RALGAPA1: variants seen among roughly 807,000 people sequenced by gnomAD.
RALGAPA1 encodes the protein ral GTPase-activating protein subunit alpha-1.
A neutral mutation model predicts 269.6 loss-of-function variants in RALGAPA1; 52 were observed. The observed-to-expected ratio is 0.19, with a 90% CI of 0.15 to 0.24. The LOEUF (loss-of-function observed/expected upper bound fraction) is 0.24. RALGAPA1 is among the 10% of genes least tolerant of loss of function. RALGAPA1 has a pLI of 1.00. For missense variants in RALGAPA1, 1,917 were observed against 3,013.9 expected, an observed-to-expected ratio of 0.64 and a Z score of 8.52; for synonymous variants, 817 against 1,008.3, an observed-to-expected ratio of 0.81 and a Z score of 3.60.
intron 39 of RALGAPA1, among the ~76,000 whole-genome samples, chr14:35,554,338 C>CT (rs869302363): frequency 0.014 from 1,198 of 85,776 alleles, 118 homozygotes; most frequent in African/African-American, 0.024. Flanking sequence ...AATACACTTT[C>CT]TTTTTTTTTT....
rs1196585530 is a variant in RALGAPA1 at position 35,750,620 on chromosome 14, G to C, written c.873C>G (p.Ile291Met). 2 of 1,613,414 alleles carry C rather than the reference G, an allele frequency of 1.2e-6. No homozygotes were observed. Among genetic ancestry groups the C allele is most frequent in the East Asian group, 2.2e-5 (1 of 44,838 alleles). ...IKKDAETNEA[I>M]YCTKEPFIKA... ...TAATGAAAGGCTCCTTTGTACAATA[G>C]ATTGCTTCATTGGTTTCAGCATCTT... is the stretch of plus-strand genomic sequence containing the variant. The change falls in exon 9 of 42, where the codon ATC becomes ATG. Residue 291 changes from isoleucine to methionine, a missense_variant. Coordinates refer to ENST00000680220, the MANE Select transcript of RALGAPA1 (RefSeq NM_001346249.2).
At chr14:35,727,922 G>A (rs2070117983) in intron 13 of RALGAPA1, among the ~76,000 whole-genome samples, 4 of 152,210 alleles carry the variant, frequency 2.6e-5, no homozygotes, top group Admixed American at 2.6e-4. Flanking sequence ...ATCTTATCCT[G>A]AAAGCTGGAG....
chr14:35,615,619 T>TTA (rs1486705923), intron 35 of RALGAPA1, among the ~76,000 whole-genome samples: 1 of 152,180 alleles, frequency 6.6e-6, no homozygotes, highest in Non-Finnish European at 1.5e-5. Context: ...CATGCATTCA[T>TTA]TTAATGTAGT....
chr14:35,782,723 C>G (rs1379444987), intron 1 of RALGAPA1, among the ~76,000 whole-genome samples: 1 of 152,098 alleles, frequency 6.6e-6, no homozygotes, highest in African/African-American at 2.4e-5. Context: ...CACACCCAGC[C>G]TCAATGTACT....
chr14:35,758,243 CAAAAAAAAAAA>C lies in RALGAPA1; in HGVS notation c.548-1346_548-1336del, dbSNP rs66473514. On this transcript the variant is annotated intron_variant, in intron 6 of 41. Transcript: ENST00000680220. ...TGGGCGACAGAGCAAGACTCTGTCT[CAAAAAAAAAAA>C]AAAAAAAAAAAACAAACCGAAAAGA... Among the ~76,000 whole-genome samples the C allele has an allele frequency of 1.8e-4, 9 of 49,730 alleles. No homozygotes were observed. In the East Asian group the frequency reaches 2.0e-3, roughly 11 times the overall value. 32.6% of individuals were successfully genotyped at this position (49,730 alleles called of 152,430 possible). A position where few individuals can be genotyped will look rare whatever the true frequency, so the allele number is the denominator to read the frequency against.
chr14:35,726,857 C>T (rs1438662151), intron 13 of RALGAPA1, among the ~76,000 whole-genome samples: 1 of 152,022 alleles, frequency 6.6e-6, no homozygotes, highest in Non-Finnish European at 1.5e-5. Flanking sequence ...TCAGAAAAAC[C>T]GTAGTTCAAA....
At chr14:35,722,190 C>T (rs558745773) in intron 15 of RALGAPA1, among the ~76,000 whole-genome samples, 8 of 152,298 alleles carry the variant, frequency 5.3e-5, no homozygotes, top group African/African-American at 1.9e-4. Flanking sequence ...TACTAAATCT[C>T]TAATCTGCCA....
chr14:35,790,428 CTGT>C (rs2076076008), intron 1 of RALGAPA1, among the ~76,000 whole-genome samples: 10 of 152,106 alleles, frequency 6.6e-5, no homozygotes, highest in Admixed American at 2.6e-4. Flanking sequence ...TAGCTCAGGC[CTGT>C]AATCCCAGCA....
chr14:35,664,032 T>C (rs1425621244), intron 27 of RALGAPA1, among the ~76,000 whole-genome samples: 1 of 152,210 alleles, frequency 6.6e-6, no homozygotes, highest in East Asian at 1.9e-4. Flanking sequence ...AGAAAACATT[T>C]TGAAGACTTA....
intron 10 of RALGAPA1, among the ~76,000 whole-genome samples, chr14:35,743,929 C>T (rs554174245): frequency 6.6e-6 from 1 of 152,132 alleles, no homozygotes; most frequent in African/African-American, 2.4e-5. Context: ...ATCACAAATA[C>T]ACATTTTCAT....
At chr14:35,578,166 T>A (rs776530759) in intron 37 of RALGAPA1, among the ~76,000 whole-genome samples, 30 of 152,302 alleles carry the variant, frequency 2.0e-4, no homozygotes, top group Non-Finnish European at 3.4e-4. Context: ...AAGCTTTGTG[T>A]ACAGTGGAGG....
rs889573343 is a variant in RALGAPA1, at chr14:35,724,322, A to T, written c.1866+702T>A. ...TAATATATGAAAAAAAACTCCAACC[A>T]ATTTAAATGGCTACTCTTGGCCAAG... On this transcript the variant is annotated intron_variant, in intron 14 of 41. Transcript: ENST00000680220. 3.2e-4 allele frequency among the ~76,000 whole-genome samples: 49 copies of T among 152,170 alleles called. 1 individual carries two copies. Among genetic ancestry groups the T allele is most frequent in the Admixed American group, 1.3e-4 (2 of 15,278 alleles).
intron 16 of RALGAPA1, among the ~76,000 whole-genome samples, chr14:35,705,764 T>C (rs1389033394): frequency 6.6e-6 from 1 of 152,224 alleles, no homozygotes; most frequent in African/African-American, 2.4e-5. Context: ...TATAATCTTG[T>C]ATTTCCACCA....
In RALGAPA1 at chr14:35,538,365, A is replaced by G. The variant is rs1305861147; in HGVS notation, c.*1349T>C. On this transcript the variant is annotated 3_prime_UTR_variant, in exon 42 of 42. Transcript: ENST00000680220. Reference sequence around the variant, plus strand: ...AATCAACACTCATGGATAGGAAGTGATAAGAATATTTTTATTGTATTATTA... The same window carrying G: ...AATCAACACTCATGGATAGGAAGTGGTAAGAATATTTTTATTGTATTATTA... 2 of 152,362 alleles carry G rather than the reference A, an allele frequency of 1.3e-5. No homozygotes were observed. 9.4% of individuals were successfully genotyped at this position (152,362 alleles called of 1,614,324 possible). A position where few individuals can be genotyped will look rare whatever the true frequency, so the allele number is the denominator to read the frequency against.
intron 30 of RALGAPA1, among the ~76,000 whole-genome samples, chr14:35,652,962 C>T (rs1230926413): frequency 6.6e-6 from 1 of 151,844 alleles, no homozygotes; most frequent in Non-Finnish European, 1.5e-5. Context: ...AAATTATTGC[C>T]TCAATGTAGT....
intron 1 of RALGAPA1, among the ~76,000 whole-genome samples, chr14:35,803,516 C>G (rs1399627790): frequency 6.6e-6 from 1 of 152,078 alleles, no homozygotes; most frequent in South Asian, 2.1e-4. Context: ...TTCAAAGAAA[C>G]AACTTCTTCT....
At chr14:35,637,985 T>A (rs756552599) in intron 31 of RALGAPA1, among the ~76,000 whole-genome samples, 2 of 152,164 alleles carry the variant, frequency 1.3e-5, no homozygotes, top group Non-Finnish European at 2.9e-5. Context: ...CCTTCGAACA[T>A]GGAGAAGAAA....
At chr14:35,750,807 G>A (rs913186922) in intron 8 of RALGAPA1, 117 bp from the exon 9 acceptor site, 2 of 864,134 alleles carry the variant, frequency 2.3e-6, no homozygotes, top group Non-Finnish European at 3.5e-6. Flanking sequence ...TTCAGAAGTA[G>A]CTTTAGCACA....
chr14:35,729,641 G>A (rs79589898), intron 12 of RALGAPA1, among the ~76,000 whole-genome samples: 2,360 of 152,260 alleles, frequency 0.015, 50 homozygotes, highest in African/African-American at 0.052. Context: ...AGGACCTGAG[G>A]TGAGAGCCTG....
Sources: allele counts gnomAD v4.1 joint callset (sites outside exome capture counted in the v4.1 genomes callset), GRCh38; gene constraint gnomAD v4.1.1; transcripts MANE v1.5; gene names NCBI Gene and HGNC (gene_info 2026-07-23, HGNC 2026-07-21).